ATP2C1: variants seen among roughly 807,000 people sequenced by gnomAD.
The protein encoded by ATP2C1 is calcium-transporting ATPase type 2C member 1.
ATP2C1 carries 31 observed loss-of-function variants against 120.5 expected under a neutral mutation model. The observed-to-expected ratio is 0.26, with a 90% CI of 0.19 to 0.35. ATP2C1 has a LOEUF of 0.35. Ranked by LOEUF, ATP2C1 falls within the 10% of genes least tolerant of loss-of-function variation. ATP2C1 has a pLI of 1.00. For missense variants in ATP2C1, 731 were observed against 1,107.5 expected, an observed-to-expected ratio of 0.66 and a Z score of 4.83; for synonymous variants, 351 against 358.7, an observed-to-expected ratio of 0.98 and a Z score of 0.24.
At chr3:130,939,163 A>T (rs2059792190) in intron 6 of ATP2C1, among the ~76,000 whole-genome samples, 1 of 152,160 alleles carries the variant, frequency 6.6e-6, no homozygotes, top group African/African-American at 2.4e-5. Flanking sequence ...CTCCAAAAAG[A>T]TCCTATTTAC....
At position 130,948,138 on chromosome 3, in the gene ATP2C1, A is replaced by G. The variant is rs779432474; in HGVS notation, c.532-5683A>G. 3.9e-5 allele frequency among the ~76,000 whole-genome samples: 6 copies of G among 152,214 alleles called. 1 individual carries two copies. In the South Asian group the frequency reaches 1.2e-3, roughly 31 times the overall value. ...GACTTTTATGTTTACCTACATAGTT[A>G]GCTTCATTGGAATTCTTTATGTCTT... On this transcript the variant is annotated intron_variant, in intron 8 of 27. Coordinates refer to ENST00000510168, the MANE Select transcript of ATP2C1 (RefSeq NM_001378687.1).
chr3:130,900,614 C>T (rs1161974945), intron 2 of ATP2C1, among the ~76,000 whole-genome samples: 1 of 151,940 alleles, frequency 6.6e-6, no homozygotes, highest in Non-Finnish European at 1.5e-5. Context: ...AAAATTTAAA[C>T]ACGCAAAGTA....
At chr3:130,996,910 T>A in intron 24 of ATP2C1, 114 bp downstream of exon 24, 2 of 791,340 alleles carry the variant, frequency 2.5e-6, no homozygotes, top group Non-Finnish European at 4.5e-6. Flanking sequence ...AGCAAATGTT[T>A]TAACATTTAT....
intron 24 of ATP2C1, 48 bp downstream of exon 24, chr3:130,996,844 T>C (rs374437414): frequency 8.1e-7 from 1 of 1,239,216 alleles, no homozygotes; most frequent in African/African-American, 1.5e-5. Flanking sequence ...GAATGTGTAC[T>C]ACCCTGATAA....
chr3:130,883,559 C>T (rs2068856557), intron 1 of ATP2C1, among the ~76,000 whole-genome samples: 1 of 151,616 alleles, frequency 6.6e-6, no homozygotes, highest in African/African-American at 2.4e-5. Context: ...TCATGCAATT[C>T]TTCTGCCTCA....
At chr3:131,000,735 CT>C (rs929090638) in intron 27 of ATP2C1, among the ~76,000 whole-genome samples, 6 of 152,054 alleles carry the variant, frequency 3.9e-5, no homozygotes, top group African/African-American at 1.4e-4. Flanking sequence ...CACTTAATAT[CT>C]TTTTTTCTTT....
At chr3:130,883,774 TGTAG>T (rs1426653176) in intron 1 of ATP2C1, among the ~76,000 whole-genome samples, 2 of 152,086 alleles carry the variant, frequency 1.3e-5, no homozygotes, top group Admixed American at 1.3e-4. Context: ...TTCTTTCTGA[TGTAG>T]GTACTTAGAG....
At chr3:130,940,391 C>A (rs1044911372) in intron 6 of ATP2C1, among the ~76,000 whole-genome samples, 11 of 152,120 alleles carry the variant, frequency 7.2e-5, no homozygotes, top group African/African-American at 2.4e-4. Flanking sequence ...TTCTAAATAA[C>A]CTTAGGTTTG....
At chr3:130,911,436 T>C (rs935955468) in intron 2 of ATP2C1, among the ~76,000 whole-genome samples, 4 of 151,084 alleles carry the variant, frequency 2.6e-5, no homozygotes, top group African/African-American at 9.8e-5. Flanking sequence ...GGGTTTTTTG[T>C]GTCTCTATTT....
At chr3:130,957,109 T>G (rs558853241) in intron 11 of ATP2C1, among the ~76,000 whole-genome samples, 1 of 152,294 alleles carries the variant, frequency 6.6e-6, no homozygotes, top group African/African-American at 2.4e-5. Context: ...TCAAGGTCAT[T>G]GCCAAGGTCT....
intron 17 of ATP2C1, 131 bp downstream of exon 17, chr3:130,969,527 A>G: frequency 4.2e-6 from 3 of 710,132 alleles, no homozygotes; most frequent in South Asian, 1.5e-5. Flanking sequence ...TGTAATTAAT[A>G]GTACACTCAT....
chr3:130,976,607 CCTTTTAATGTAAGAGG>C (rs2061537845), intron 18 of ATP2C1, among the ~76,000 whole-genome samples: 1 of 152,146 alleles, frequency 6.6e-6, no homozygotes, highest in Non-Finnish European at 1.5e-5. Flanking sequence ...CCCCCTTTCC[CCTTTTAATGTAAGAGG>C]CTTTGATGAC....
intron 2 of ATP2C1, among the ~76,000 whole-genome samples, chr3:130,924,939 T>G (rs1412921995): frequency 6.6e-6 from 1 of 152,110 alleles, no homozygotes; most frequent in African/African-American, 2.4e-5. Flanking sequence ...TTTTTATTTA[T>G]GCTATATATT....
intron 14 of ATP2C1, among the ~76,000 whole-genome samples, chr3:130,965,342 G>A (rs994524699): frequency 6.6e-6 from 1 of 151,902 alleles, no homozygotes; most frequent in African/African-American, 2.4e-5. Context: ...CTACTTTATA[G>A]CCAGCTTCTT....
chr3:130,859,614 G>A (rs937168488), intron 1 of ATP2C1, among the ~76,000 whole-genome samples: 6 of 152,264 alleles, frequency 3.9e-5, no homozygotes, highest in South Asian at 2.1e-4. Context: ...GCAACTTGCC[G>A]TTTATTATGG....
chr3:130,964,724 A>G (rs529918987), intron 13 of ATP2C1, among the ~76,000 whole-genome samples: 1 of 152,194 alleles, frequency 6.6e-6, no homozygotes, highest in South Asian at 2.1e-4. Context: ...CTAACTGTAT[A>G]TAAATAAGAA....
At chr3:131,007,474 C>A (rs2063158977), downstream of ATP2C1, among the ~76,000 whole-genome samples, 1 of 152,182 alleles carries the variant, frequency 6.6e-6, no homozygotes, top group Non-Finnish European at 1.5e-5. Context: ...GCAATAGTTG[C>A]ATTGCTCTAC....
intron 26 of ATP2C1, among the ~76,000 whole-genome samples, chr3:131,010,486 G>C (rs993828155): frequency 2.6e-5 from 4 of 152,070 alleles, no homozygotes; most frequent in African/African-American, 9.7e-5. Flanking sequence ...GAGCCACCAC[G>C]CCCGGCCACC....
intron 16 of ATP2C1, among the ~76,000 whole-genome samples, chr3:130,969,060 G>A (rs1040571597): frequency 1.3e-5 from 2 of 152,286 alleles, no homozygotes; most frequent in African/African-American, 2.4e-5. Flanking sequence ...TTTAGTCAGC[G>A]TACAATCCAG....
Sources: allele counts gnomAD v4.1 joint callset (sites outside exome capture counted in the v4.1 genomes callset), GRCh38; gene constraint gnomAD v4.1.1; transcripts MANE v1.5; gene names NCBI Gene and HGNC (gene_info 2026-07-23, HGNC 2026-07-21).